Variants in PRCP observed in about 807,000 individuals in gnomAD.
The protein encoded by PRCP is prolylcarboxypeptidase.
PRCP carries 46 observed loss-of-function variants against 54.2 expected under a neutral mutation model. The observed-to-expected ratio is 0.85, with a 90% confidence interval of 0.67 to 1.09. The LOEUF is 1.09. PRCP is among the 50% of genes least tolerant of loss of function. The pLI, the probability that PRCP is intolerant of heterozygous loss-of-function variation, is 0.00. For synonymous variants in PRCP, 240 were observed against 212.2 expected, an observed-to-expected ratio of 1.13 and a Z score of -1.14; for missense variants, 613 against 596.8, an observed-to-expected ratio of 1.03 and a Z score of -0.28.
chr11:82,864,600 A>C (rs566994758), intron 1 of PRCP, among the ~76,000 whole-genome samples: 74 of 152,346 alleles, frequency 4.9e-4, no homozygotes, highest in Non-Finnish European at 2.9e-5. Context: ...AGTTTGGTTT[A>C]TTGAACCAAT....
intron 1 of PRCP, among the ~76,000 whole-genome samples, chr11:82,889,942 T>G (rs920298229): frequency 1.3e-5 from 2 of 152,106 alleles, no homozygotes; most frequent in African/African-American, 4.8e-5. Flanking sequence ...GAAGACCAAC[T>G]GGTTTACTCT....
intron 3 of PRCP, among the ~76,000 whole-genome samples, chr11:82,851,095 T>C (rs1293118511): frequency 6.6e-6 from 1 of 152,208 alleles, no homozygotes; most frequent in African/African-American, 2.4e-5. Context: ...AAACTCATAA[T>C]GTTAAGTTTC....
intron 8 of PRCP, chr11:82,836,328 G>C (rs1858525143): frequency 6.5e-6 from 1 of 153,166 alleles, no homozygotes; most frequent in South Asian, 2.1e-4. Flanking sequence ...AGGAGCTACT[G>C]GATCATATGT....
At chr11:82,845,775 T>G (rs1858794026) in intron 6 of PRCP, 1 of 152,236 alleles carries the variant, frequency 6.6e-6, no homozygotes, top group African/African-American at 2.4e-5. Context: ...AGTTGCTCTT[T>G]AAGCTGGGAA....
At chr11:82,882,712 G>A (rs926021126) in intron 1 of PRCP, among the ~76,000 whole-genome samples, 18 of 147,720 alleles carry the variant, frequency 1.2e-4, no homozygotes, top group African/African-American at 4.3e-4. Context: ...AGCCGGGATG[G>A]TCTCGATCTC....
chr11:82,897,116 C>T (rs550660764), intron 1 of PRCP, among the ~76,000 whole-genome samples: 8 of 152,298 alleles, frequency 5.3e-5, no homozygotes, highest in African/African-American at 1.7e-4. Flanking sequence ...ACCACACATA[C>T]TACACATGTA....
chr11:82,842,973 A>G (rs1858711354), intron 6 of PRCP, among the ~76,000 whole-genome samples: 1 of 152,194 alleles, frequency 6.6e-6, no homozygotes, highest in South Asian at 2.1e-4. Flanking sequence ...CTGAAGTCAT[A>G]TTAGCCAGAC....
At chr11:82,896,892 C>A (rs1183436813) in intron 1 of PRCP, among the ~76,000 whole-genome samples, 4 of 151,968 alleles carry the variant, frequency 2.6e-5, no homozygotes, top group Non-Finnish European at 5.9e-5. Flanking sequence ...CAGACACACA[C>A]CCTAATACAA....
chr11:82,901,001 T>C, upstream of PRCP: 1 of 395,448 alleles, frequency 2.5e-6, no homozygotes, highest in Non-Finnish European at 5.1e-6. Flanking sequence ...GTTATTCCCA[T>C]CTACAGATGT....
chr11:82,859,554 C>T (rs755157284), intron 2 of PRCP, among the ~76,000 whole-genome samples: 2 of 152,056 alleles, frequency 1.3e-5, no homozygotes, highest in Non-Finnish European at 2.9e-5. Context: ...CATTCTTATC[C>T]GTTTCCCTTA....
chr11:82,855,498 A>G (rs1276115027), intron 2 of PRCP, among the ~76,000 whole-genome samples: 15 of 152,116 alleles, frequency 9.9e-5, no homozygotes, highest in Non-Finnish European at 2.9e-5. Flanking sequence ...GGGCACCTGT[A>G]GTCCCAGCTA....
intron 8 of PRCP, chr11:82,836,324 T>C (rs778389286): frequency 1.3e-5 from 2 of 152,982 alleles, no homozygotes; most frequent in African/African-American, 2.4e-5. Context: ...TATAAGGAGC[T>C]ACTGGATCAT....
At chr11:82,859,878 G>T in intron 2 of PRCP, 99 bp downstream of exon 2, 1 of 1,193,580 alleles carries the variant, frequency 8.4e-7, no homozygotes, top group Non-Finnish European at 1.1e-6. Flanking sequence ...TTACAATTAA[G>T]AACAGCAATG....
rs765955573 is a variant in PRCP, at chr11:82,850,517, T to C, written c.412-12A>G. Reference sequence around the variant, plus strand: ...AAGTGTCTGGAATCCTAAAGAAATATAACAAAGAACACGGGTATAAATGTG... The same window carrying C: ...AAGTGTCTGGAATCCTAAAGAAATACAACAAAGAACACGGGTATAAATGTG... On this transcript the variant is annotated splice_polypyrimidine_tract_variant and intron_variant, in intron 3 of 8. Transcript: ENST00000313010. 3.2e-6 allele frequency: 5 copies of C among 1,549,354 alleles called. No homozygotes were observed. The South Asian group carries it at 3.6e-5, about 11-fold the overall frequency.
intron 1 of PRCP, among the ~76,000 whole-genome samples, chr11:82,868,906 C>T (rs1313357518): frequency 6.6e-6 from 1 of 152,066 alleles, no homozygotes; most frequent in Non-Finnish European, 1.5e-5. Flanking sequence ...CATGGTGATA[C>T]ACGCCTATAA....
At chr11:82,900,702 C>T, upstream of PRCP, 1 of 565,032 alleles carries the variant, frequency 1.8e-6, no homozygotes, top group Non-Finnish European at 3.4e-6. Context: ...GGGCCTCTTC[C>T]TAACTCATCG....
At chr11:82,844,159 T>G (rs1042799817) in intron 6 of PRCP, among the ~76,000 whole-genome samples, 7 of 152,192 alleles carry the variant, frequency 4.6e-5, no homozygotes, top group Non-Finnish European at 7.3e-5. Flanking sequence ...TATGAAATAC[T>G]CATAACAACC....
chr11:82,832,094 C>T (rs1858400146), intron 8 of PRCP, among the ~76,000 whole-genome samples: 1 of 152,260 alleles, frequency 6.6e-6, no homozygotes, highest in Admixed American at 6.5e-5. Context: ...ATATGTGTCA[C>T]ATTTTCTTTA....
At chr11:82,865,826 T>TG (rs1463674413) in intron 1 of PRCP, among the ~76,000 whole-genome samples, 2 of 152,228 alleles carry the variant, frequency 1.3e-5, no homozygotes, top group African/African-American at 4.8e-5. Context: ...GACAGCTTTC[T>TG]GGGCAAGCTT....
Sources: allele counts gnomAD v4.1 joint callset (sites outside exome capture counted in the v4.1 genomes callset), GRCh38; gene constraint gnomAD v4.1.1; transcripts MANE v1.5; gene names NCBI Gene and HGNC (gene_info 2026-07-23, HGNC 2026-07-21).